Variants in ARHGEF28 observed in about 807,000 individuals in gnomAD.
The protein encoded by ARHGEF28 is Rho guanine nucleotide exchange factor 28.
In ARHGEF28, 152 loss-of-function variants were observed where a neutral mutation model predicts 206.6. The observed-to-expected ratio is 0.74, with a 90% confidence interval of 0.64 to 0.84. The LOEUF (loss-of-function observed/expected upper bound fraction) is 0.84, where lower values mean the gene tolerates loss of function less well. Among genes scored for constraint, ARHGEF28 ranks in the 40% least tolerant of loss-of-function variants. The pLI, the probability that ARHGEF28 is intolerant of heterozygous loss-of-function variation, is 0.00. For synonymous variants in ARHGEF28, 763 were observed against 776.4 expected, an observed-to-expected ratio of 0.98 and a Z score of 0.29; for missense variants, 2,028 against 2,073.2, an observed-to-expected ratio of 0.98 and a Z score of 0.42.
rs545571638 is a variant in ARHGEF28, at chr5:73,933,932, T to C, written c.4949-6912T>C. ...TTGTCTCATAAATGTTTTTTTTTTT[T>C]TCCCCCTCAGTTTGTTTGAATTGGA... is the stretch of plus-strand genomic sequence containing the variant. On this transcript the variant is annotated intron_variant, in intron 35 of 35. Coordinates refer to ENST00000513042, the MANE Select transcript of ARHGEF28 (RefSeq NM_001177693.2). Among the ~76,000 whole-genome samples, 5 of 151,872 alleles carry C rather than the reference T, an allele frequency of 3.3e-5. No homozygotes were observed. The East Asian group carries it at 7.7e-4, about 23-fold the overall frequency.
At chr5:73,680,198 G>A (rs1263523228) in intron 1 of ARHGEF28, among the ~76,000 whole-genome samples, 1 of 151,998 alleles carries the variant, frequency 6.6e-6, no homozygotes, top group African/African-American at 2.4e-5. Context: ...CCTTTGGGAG[G>A]CTGAAGTGTG....
rs533509301 is a variant in ARHGEF28, at chr5:73,776,564, A to G, written c.708A>G (p.Glu236=). 2.3e-5 allele frequency: 37 copies of G among 1,613,800 alleles called. No individual in the cohort carries two copies. Among genetic ancestry groups the G allele is most frequent in the Admixed American group, 3.3e-5 (2 of 59,996 alleles). The part of the protein sequence containing the change: ...SPSFSRVQLS[E]EASLHYIHSS... ...GCTTCTCCCGAGTGCAGCTCAGTGA[A>G]GAAGCCTCCTTGCATTACATTCACT... Residue 236 remains glutamate (E), a synonymous_variant, in exon 6 of 36, where the codon GAA becomes GAG. Transcript: ENST00000513042.
rs186797918 is a variant in ARHGEF28 at position 73,847,286 on chromosome 5, C to T, written c.1635+811C>T. 5.5e-4 allele frequency among the ~76,000 whole-genome samples: 84 copies of T among 152,230 alleles called. 1 individual carries two copies. The highest frequency in any genetic ancestry group is 5.2e-3 in the Admixed American group (79 of 15,286). On this transcript the variant is annotated intron_variant, in intron 12 of 35. Transcript: ENST00000513042. ...ATACAAAATATGTTTTATGTATGTA[C>T]AAAATATATAATTGCCTCATAACTC...
chr5:73,711,960 A>G (rs1749278821), intron 2 of ARHGEF28, among the ~76,000 whole-genome samples: 1 of 151,484 alleles, frequency 6.6e-6, no homozygotes, highest in African/African-American at 2.4e-5. Context: ...TAGGTTAAGA[A>G]ATTTTCCTTC....
intron 29 of ARHGEF28, among the ~76,000 whole-genome samples, chr5:73,895,254 G>A (rs532703633): frequency 3.2e-4 from 48 of 152,290 alleles, no homozygotes; most frequent in African/African-American, 1.1e-3. Flanking sequence ...GATGGTGGCC[G>A]AGGTTGGGTG....
At chr5:73,725,444 G>T (rs1055461573) in intron 2 of ARHGEF28, among the ~76,000 whole-genome samples, 1 of 152,130 alleles carries the variant, frequency 6.6e-6, no homozygotes, top group African/African-American at 2.4e-5. Flanking sequence ...TCCACTGGAC[G>T]TTATTTTTTC....
At chr5:73,747,370 T>C (rs1444217262) in intron 2 of ARHGEF28, among the ~76,000 whole-genome samples, 1 of 152,176 alleles carries the variant, frequency 6.6e-6, no homozygotes, top group Non-Finnish European at 1.5e-5. Context: ...GTTAGAAAGA[T>C]CCCACTCTTA....
At chr5:73,752,838 T>C in intron 3 of ARHGEF28, 71 bp from the exon 4 acceptor site, 3 of 1,553,174 alleles carry the variant, frequency 1.9e-6, no homozygotes, top group Non-Finnish European at 1.8e-6. Context: ...GTGGTGGGGC[T>C]AGCACATTGG....
rs1339294554 is a variant in ARHGEF28 at position 73,882,540 on chromosome 5, T to G, written c.2883T>G (p.Ala961=). ...YGEFCCHHKE[A]VNLFKELQQN... The stretch of plus-strand genomic sequence containing the variant: ...AATTCTGTTGCCATCATAAAGAAGC[T>G]GTTAACCTCTTTAAAGAACTCCAGC... The change falls in exon 23 of 36, where the codon GCT becomes GCG. Residue 961 remains alanine (A), a synonymous_variant. Coordinates refer to ENST00000513042, the MANE Select transcript of ARHGEF28 (RefSeq NM_001177693.2). The G allele has an allele frequency of 2.0e-6, 3 of 1,517,784 alleles. No individual in the cohort carries two copies. The Admixed American group carries it at 6.7e-5, about 34-fold the overall frequency. 94.0% of individuals were successfully genotyped at this position (1,517,784 alleles called of 1,614,324 possible). A position where few individuals can be genotyped will look rare whatever the true frequency, so the allele number is the denominator to read the frequency against.
intron 18 of ARHGEF28, among the ~76,000 whole-genome samples, chr5:73,867,315 T>G (rs1034133499): frequency 6.6e-6 from 1 of 152,134 alleles, no homozygotes; most frequent in Non-Finnish European, 1.5e-5. Flanking sequence ...CCCAGAATAT[T>G]TTAGAACTGA....
intron 9 of ARHGEF28, among the ~76,000 whole-genome samples, chr5:73,822,317 AG>A (rs955097080): frequency 2.0e-5 from 3 of 152,190 alleles, no homozygotes; most frequent in African/African-American, 7.2e-5. Context: ...AAAGGATCCC[AG>A]GAAGGTTAGG....
intron 4 of ARHGEF28, among the ~76,000 whole-genome samples, chr5:73,761,164 G>A (rs894781429): frequency 1.1e-4 from 17 of 152,242 alleles, no homozygotes; most frequent in African/African-American, 3.4e-4. Flanking sequence ...CCCTTAAAAC[G>A]TAGCAGGATG....
At chr5:73,890,223 C>A (rs1761544145) in intron 26 of ARHGEF28, among the ~76,000 whole-genome samples, 1 of 152,182 alleles carries the variant, frequency 6.6e-6, no homozygotes, top group Non-Finnish European at 1.5e-5. Flanking sequence ...TTGCACTTAC[C>A]TGTTCTTCAC....
rs372285536 is a variant in ARHGEF28 at position 73,821,682 on chromosome 5, T to C, written c.1025-10656T>C. Among the ~76,000 whole-genome samples the C allele has an allele frequency of 1.1e-4, 17 of 152,236 alleles. No individual in the cohort carries two copies. In the South Asian group the frequency reaches 3.3e-3, roughly 30 times the overall value. On this transcript the variant is annotated intron_variant, in intron 9 of 35. Transcript: ENST00000513042. ...CATGGTGTTTTTATATATTAGGTTC[T>C]TCCCCTCTCGGTTTGCCAATTTTTC...
chr5:73,735,877 A>G (rs1750895140), intron 2 of ARHGEF28, among the ~76,000 whole-genome samples: 2 of 152,082 alleles, frequency 1.3e-5, no homozygotes, highest in Non-Finnish European at 2.9e-5. Context: ...CTTTATTTGG[A>G]ATTCCCTTCC....
At chr5:73,672,477 A>G (rs1314897579) in intron 1 of ARHGEF28, among the ~76,000 whole-genome samples, 7 of 152,164 alleles carry the variant, frequency 4.6e-5, no homozygotes, top group African/African-American at 1.7e-4. Flanking sequence ...TATTATCCCA[A>G]CTAGATTCTG....
chr5:73,689,820 T>A (rs1246981596), intron 2 of ARHGEF28, among the ~76,000 whole-genome samples: 1 of 150,852 alleles, frequency 6.6e-6, no homozygotes, highest in Non-Finnish European at 1.5e-5. Context: ...TGGTTTGAAG[T>A]CTAGGCTTAG....
rs1308277657 is a variant in ARHGEF28 at position 73,940,999 on chromosome 5, A to ATTGT, written c.5107_5110dup (p.Tyr1704CysfsTer32). On this transcript the variant is annotated frameshift_variant, in exon 36 of 36. Transcript: ENST00000513042. LOFTEE classifies it high-confidence loss of function. ...AACTGGAGATGGAGCCAAAGAAAATATTGTTTACCTCTAATTGTGTTGTCA... is the reference window on the plus strand; with the variant it reads ...AACTGGAGATGGAGCCAAAGAAAATATTGTTTGTTTACCTCTAATTGTGTTGTCA... The ATTGT allele has an allele frequency of 1.3e-6, 2 of 1,516,072 alleles. No individual in the cohort carries two copies. Among genetic ancestry groups the ATTGT allele is most frequent in the African/African-American group, 2.8e-5 (2 of 71,988 alleles). 93.9% of individuals were successfully genotyped at this position (1,516,072 alleles called of 1,614,324 possible). A position where few individuals can be genotyped will look rare whatever the true frequency, so the allele number is the denominator to read the frequency against.
chr5:73,646,609 A>C (rs73116515), intron 1 of ARHGEF28, among the ~76,000 whole-genome samples: 32 of 150,944 alleles, frequency 2.1e-4, no homozygotes. Context: ...TGCCCCAAAC[A>C]CTCTTCATCT....
Sources: gnomAD v4.1 joint callset for allele counts (sites outside exome capture counted in the v4.1 genomes callset) on GRCh38, gnomAD v4.1.1 for gene constraint, MANE v1.5 for transcripts, NCBI Gene and HGNC (gene_info 2026-07-23, HGNC 2026-07-21) for gene names.